Variants in PPP3CA observed in about 807,000 individuals in gnomAD.
PPP3CA encodes the protein protein phosphatase 3 catalytic subunit alpha.
Under a neutral mutation model 66.5 loss-of-function variants are expected in PPP3CA, and 14 were observed. The ratio of observed to expected loss-of-function variants is 0.21; its 90% CI spans 0.14 to 0.33. The LOEUF (loss-of-function observed/expected upper bound fraction) is 0.33, where lower values mean the gene tolerates loss of function less well. PPP3CA is among the 10% of genes least tolerant of loss of function. The probability of loss-of-function intolerance (pLI) is 1.00; values close to 1 mark genes in which losing one functional copy is unlikely to be tolerated. For synonymous variants in PPP3CA, 232 were observed against 226.2 expected (o/e 1.03, Z -0.23); for missense variants, 317 against 639.5 (o/e 0.50, Z 5.44).
intron 1 of PPP3CA, among the ~76,000 whole-genome samples, chr4:101,265,530 T>A (rs1261624831): frequency 6.6e-6 from 1 of 152,180 alleles, no homozygotes; most frequent in Non-Finnish European, 1.5e-5. Flanking sequence ...CAAACCACTT[T>A]TAATGAATGG....
At position 101,025,915 on chromosome 4, in the gene PPP3CA, C is replaced by T; in HGVS notation, c.1516G>A (p.Glu506Lys). Residue 506 changes from glutamate to lysine, a missense_variant, in exon 14 of 14, where the codon GAG becomes AAG. By Grantham distance (56) the Glu-to-Lys change is moderately conservative. This residue lies in a region of PPP3CA where 40 missense variants were observed against 38.6 expected (regional missense o/e 1.04). Transcript: ENST00000394854. ...CCATTGCTGTCCGTGCCGTTAGTCT[C>T]TGAGGTGAGAGCCTTGTTGATGGAG... The part of the protein sequence containing the change: ...LNSINKALTS[E>K]TNGTDSNGSN... 6.4e-7 allele frequency: 1 copy of T among 1,571,344 alleles called. No homozygotes were observed. Among genetic ancestry groups the T allele is most frequent in the Non-Finnish European group, 8.7e-7 (1 of 1,154,058 alleles).
chr4:101,089,564 G>A (rs1729819705), intron 6 of PPP3CA, among the ~76,000 whole-genome samples: 1 of 152,122 alleles, frequency 6.6e-6, no homozygotes, highest in Non-Finnish European at 1.5e-5. Context: ...TTGAAGCAAG[G>A]TAAACCCAGG....
intron 1 of PPP3CA, among the ~76,000 whole-genome samples, chr4:101,278,996 C>T (rs1727598950): frequency 6.6e-6 from 1 of 152,184 alleles, no homozygotes; most frequent in African/African-American, 2.4e-5. Context: ...TAAAGCCTTT[C>T]TCTTCCAAAC....
intron 2 of PPP3CA, among the ~76,000 whole-genome samples, chr4:101,195,492 G>A (rs988795272): frequency 1.4e-4 from 21 of 152,174 alleles, no homozygotes; most frequent in African/African-American, 4.8e-4. Context: ...TTCAAATGGT[G>A]ATGATGATGA....
At chr4:101,286,107 C>G (rs751563584) in intron 1 of PPP3CA, among the ~76,000 whole-genome samples, 2 of 152,072 alleles carry the variant, frequency 1.3e-5, no homozygotes, top group Non-Finnish European at 2.9e-5. Flanking sequence ...TAAGAAGCAT[C>G]CAACTTAGAT....
rs1226983200 is a variant in PPP3CA at position 101,025,159 on chromosome 4, C to T, written c.*706G>A. The T allele has an allele frequency of 1.3e-5, 2 of 151,972 alleles. No individual in the cohort carries two copies. The highest frequency in any genetic ancestry group is 2.4e-5 in the African/African-American group (1 of 41,224). The allele number at this position is 151,972 out of a possible 1,614,324, so 9.4% of individuals were successfully genotyped here. A position where few individuals can be genotyped will look rare whatever the true frequency, so the allele number is the denominator to read the frequency against. On this transcript the variant is annotated 3_prime_UTR_variant, in exon 14 of 14. Coordinates refer to ENST00000394854, the MANE Select transcript of PPP3CA (RefSeq NM_000944.5). ...TAAAACTTAAAAGATATTCCATTGC[C>T]GAATTAAGAAGAAGATAAGTGTTAT...
At chr4:101,340,911 G>GA (rs1186934055) in intron 1 of PPP3CA, among the ~76,000 whole-genome samples, 2 of 152,136 alleles carry the variant, frequency 1.3e-5, no homozygotes, top group African/African-American at 2.4e-5. Context: ...CCTTCAAAAT[G>GA]AAAGTAAATA....
chr4:101,274,451 C>T (rs1015677930), intron 1 of PPP3CA, among the ~76,000 whole-genome samples: 8 of 152,136 alleles, frequency 5.3e-5, no homozygotes, highest in African/African-American at 1.9e-4. Context: ...AACAAATCTT[C>T]AATTATTTTA....
Position 101,059,132 on chromosome 4 carries a change from T to C in PPP3CA, c.1156+1955A>G, listed in dbSNP as rs180915568. On this transcript the variant is annotated intron_variant, in intron 10 of 13. Coordinates refer to ENST00000394854, the MANE Select transcript of PPP3CA (RefSeq NM_000944.5). ...AGGTTCCATTTGGTTAGTATTCTTT[T>C]AGGAAAAAATTTCTGCCATTCTGAA... is the stretch of plus-strand genomic sequence containing the variant. Among the ~76,000 whole-genome samples, 327 of 152,274 alleles carry C rather than the reference T, an allele frequency of 2.1e-3. 2 individuals are homozygous for C. The highest frequency in any genetic ancestry group is 7.3e-3 in the African/African-American group (304 of 41,572).
chr4:101,257,757 C>T (rs950602541), intron 1 of PPP3CA, among the ~76,000 whole-genome samples: 1 of 151,978 alleles, frequency 6.6e-6, no homozygotes, highest in Admixed American at 6.6e-5. Flanking sequence ...TTATTTTTAG[C>T]CCAACAACAT....
At chr4:101,117,028 C>G (rs1486969252) in intron 2 of PPP3CA, among the ~76,000 whole-genome samples, 2 of 151,404 alleles carry the variant, frequency 1.3e-5, no homozygotes, top group African/African-American at 2.4e-5. Flanking sequence ...GCTATAAAAT[C>G]AAATACAAAA....
intron 1 of PPP3CA, among the ~76,000 whole-genome samples, chr4:101,211,365 T>C (rs941357911): frequency 6.6e-6 from 1 of 152,154 alleles, no homozygotes. Context: ...GTGATGGACA[T>C]AGAAAGCCTT....
intron 2 of PPP3CA, among the ~76,000 whole-genome samples, chr4:101,112,114 G>A (rs1721693450): frequency 6.6e-6 from 1 of 151,746 alleles, no homozygotes; most frequent in African/African-American, 2.4e-5. Context: ...ATTAATTTAG[G>A]TTGTAAACTG....
chr4:101,039,567 T>A (rs1230593855), intron 11 of PPP3CA, among the ~76,000 whole-genome samples: 2 of 144,224 alleles, frequency 1.4e-5, no homozygotes, highest in Admixed American at 7.0e-5. Flanking sequence ...TGATGTGGTG[T>A]CTCTGAGAGA....
chr4:101,333,257 A>C (rs1206714242), intron 1 of PPP3CA, among the ~76,000 whole-genome samples: 1 of 127,210 alleles, frequency 7.9e-6, no homozygotes, highest in Non-Finnish European at 1.6e-5. Flanking sequence ...ACAGGCATGC[A>C]CTACCATGCC....
intron 2 of PPP3CA, among the ~76,000 whole-genome samples, chr4:101,135,731 T>C (rs1001216228): frequency 1.3e-5 from 2 of 152,234 alleles, no homozygotes; most frequent in Non-Finnish European, 2.9e-5. Context: ...GCTGGCACTG[T>C]GATGTAATGA....
chr4:101,301,820 TTATATATA>T, intron 1 of PPP3CA, among the ~76,000 whole-genome samples: 1 of 146,786 alleles, frequency 6.8e-6, no homozygotes, highest in African/African-American at 2.5e-5. Flanking sequence ...GCACCATATT[TTATATATA>T]TATATATATA....
At chr4:101,250,413 C>A in intron 1 of PPP3CA, 2 of 452,148 alleles carry the variant, frequency 4.4e-6, no homozygotes, top group South Asian at 1.6e-5. Context: ...CATATGTTGC[C>A]ATAAGAATAT....
chr4:101,329,324 TC>T (rs34890782), intron 1 of PPP3CA, among the ~76,000 whole-genome samples: 9,298 of 152,184 alleles, frequency 0.061, 403 homozygotes, highest in Non-Finnish European at 0.097. Flanking sequence ...TCTCTTCAAT[TC>T]CATGAAGGCT....
Sources: gnomAD v4.1 joint callset for allele counts (sites outside exome capture counted in the v4.1 genomes callset) on GRCh38, gnomAD v4.1.1 for gene constraint, gnomAD v4.1.1 regional missense constraint, MANE v1.5 for transcripts, NCBI Gene and HGNC (gene_info 2026-07-23, HGNC 2026-07-21) for gene names.